The following PAX5 variants were observed in gnomAD, a reference collection of about 807,000 sequenced individuals.
PAX5 encodes paired box protein Pax-5.
PAX5 carries 9 observed loss-of-function variants against 43.7 expected under a neutral mutation model. The observed-to-expected ratio is 0.21, with a 90% CI of 0.12 to 0.36. The LOEUF (loss-of-function observed/expected upper bound fraction) is 0.36, where lower values mean the gene tolerates loss of function less well. PAX5 is among the 10% of genes least tolerant of loss of function. The pLI, the probability that PAX5 is intolerant of heterozygous loss-of-function variation, is 1.00. For synonymous variants in PAX5, 228 were observed against 214.3 expected (o/e 1.06, Z -0.56); for missense variants, 383 against 532.7 (o/e 0.72, Z 2.77).
chr9:37,033,840 G>T, intron 1 of PAX5, 146 bp downstream of exon 1: 1 of 683,556 alleles, frequency 1.5e-6, no homozygotes, highest in Non-Finnish European at 2.6e-6. Flanking sequence ...ACAGATAGGT[G>T]AAAAAACATA....
intron 1 of PAX5, among the ~76,000 whole-genome samples, chr9:37,028,242 C>G (rs145901713): frequency 1.3e-5 from 2 of 152,350 alleles, no homozygotes; most frequent in Non-Finnish European, 2.9e-5. Flanking sequence ...TCTGACCTCA[C>G]TTTCCTCTTC....
intron 3 of PAX5, among the ~76,000 whole-genome samples, chr9:37,011,532 GGA>G: frequency 6.6e-6 from 1 of 152,198 alleles, no homozygotes; most frequent in South Asian, 2.1e-4. Flanking sequence ...GTCAGCTTTG[GGA>G]TGGCCACCTC....
chr9:36,979,565 G>T (rs1357938192), intron 5 of PAX5, among the ~76,000 whole-genome samples: 1 of 152,156 alleles, frequency 6.6e-6, no homozygotes, highest in Non-Finnish European at 1.5e-5. Flanking sequence ...TGATTCTCCT[G>T]ATAATCTCAG....
intron 5 of PAX5, among the ~76,000 whole-genome samples, chr9:36,985,876 C>T (rs112726374): frequency 0.02 from 3,069 of 152,328 alleles, 41 homozygotes; most frequent in Non-Finnish European, 0.033. Flanking sequence ...AGGGCATCAT[C>T]CAGCAAGATC....
intron 8 of PAX5, among the ~76,000 whole-genome samples, chr9:36,877,335 C>A (rs1345204320): frequency 6.6e-6 from 1 of 152,010 alleles, no homozygotes; most frequent in Non-Finnish European, 1.5e-5. Flanking sequence ...TGAGACCATG[C>A]CTTCATTTAA....
chr9:36,846,525 C>T (rs948512349), intron 9 of PAX5, among the ~76,000 whole-genome samples: 3 of 152,218 alleles, frequency 2.0e-5, no homozygotes, highest in African/African-American at 4.8e-5. Flanking sequence ...TTAAGAAATA[C>T]AAGTTACTCA....
At chr9:36,858,664 C>G (rs1823893436) in intron 8 of PAX5, among the ~76,000 whole-genome samples, 1 of 152,176 alleles carries the variant, frequency 6.6e-6, no homozygotes, top group South Asian at 2.1e-4. Flanking sequence ...ATTACTGGCT[C>G]CCAGCCTCCA....
At chr9:36,960,433 G>C (rs910871871) in intron 6 of PAX5, among the ~76,000 whole-genome samples, 1 of 152,126 alleles carries the variant, frequency 6.6e-6, no homozygotes, top group Non-Finnish European at 1.5e-5. Flanking sequence ...GCCACAGCCC[G>C]AGGGTCTTGT....
chr9:36,928,604 A>G (rs186423268), intron 6 of PAX5, among the ~76,000 whole-genome samples: 11 of 152,242 alleles, frequency 7.2e-5, no homozygotes, highest in South Asian at 4.1e-4. Context: ...GAGCTACAAC[A>G]CTCAAAAATT....
intron 5 of PAX5, among the ~76,000 whole-genome samples, chr9:36,992,669 A>G (rs1469558676): frequency 1.3e-5 from 2 of 152,230 alleles, no homozygotes; most frequent in African/African-American, 4.8e-5. Flanking sequence ...CTCCCTCCTC[A>G]GCTCAAAGAC....
intron 6 of PAX5, among the ~76,000 whole-genome samples, chr9:36,940,279 A>T (rs1401656773): frequency 6.6e-6 from 1 of 152,106 alleles, no homozygotes; most frequent in Non-Finnish European, 1.5e-5. Flanking sequence ...CCAACACAAA[A>T]ATTATTTAGG....
chr9:36,970,228 AAT>A (rs1834821794), intron 5 of PAX5, among the ~76,000 whole-genome samples: 1 of 152,136 alleles, frequency 6.6e-6, no homozygotes, highest in Admixed American at 6.5e-5. Flanking sequence ...CTGTGGGAGG[AAT>A]CAGGGAAGTC....
At chr9:36,857,850 G>A (rs1823823427) in intron 8 of PAX5, among the ~76,000 whole-genome samples, 1 of 152,248 alleles carries the variant, frequency 6.6e-6, no homozygotes, top group African/African-American at 2.4e-5. Flanking sequence ...TAGGATACTG[G>A]CCGATAAACC....
At chr9:36,971,765 A>C (rs992711330) in intron 5 of PAX5, among the ~76,000 whole-genome samples, 11 of 152,240 alleles carry the variant, frequency 7.2e-5, no homozygotes, top group Admixed American at 2.0e-4. Context: ...GAGCAAAGAA[A>C]TGCTGGCTTT....
chr9:36,842,851 TC>T (rs1563879687), intron 9 of PAX5, among the ~76,000 whole-genome samples: 1 of 152,116 alleles, frequency 6.6e-6, no homozygotes, highest in East Asian at 1.9e-4. Flanking sequence ...AGGGACATTC[TC>T]CCGAGAAGTC....
At chr9:36,894,127 G>A (rs985859969) in intron 7 of PAX5, among the ~76,000 whole-genome samples, 5 of 152,124 alleles carry the variant, frequency 3.3e-5, no homozygotes, top group African/African-American at 4.8e-5. Flanking sequence ...CAAACTGGCC[G>A]GTGAACATGG....
At chr9:36,960,708 T>C (rs1833897666) in intron 6 of PAX5, among the ~76,000 whole-genome samples, 3 of 152,280 alleles carry the variant, frequency 2.0e-5, no homozygotes, top group South Asian at 4.1e-4. Context: ...ATCTCTGCGT[T>C]CCACCCCTCT....
Position 36,931,532 on chromosome 9 carries a change from T to C in PAX5, c.781-8048A>G, listed in dbSNP as rs1588007934. Among the ~76,000 whole-genome samples, 3 of 152,016 alleles carry C rather than the reference T, an allele frequency of 2.0e-5. No individual in the cohort carries two copies. In the East Asian group the frequency reaches 5.8e-4, roughly 29 times the overall value. ...ACCCTGATTCAAACAAACTGTAAAA[T>C]AAATAATCATTAAATAACAAAAAAC... On this transcript the variant is annotated intron_variant, in intron 6 of 9. Transcript: ENST00000358127.
rs527291742 is a variant in PAX5 at position 36,974,890 on chromosome 9, A to G, written c.605-8166T>C. 2.0e-4 allele frequency among the ~76,000 whole-genome samples: 30 copies of G among 152,106 alleles called. 1 individual carries two copies. The highest frequency in any genetic ancestry group is 6.2e-4 in the South Asian group (3 of 4,806). ...ACCCCCCACTTCACCCCGCAATGCC[A>G]TCCCAGCAGGCCGTTTGTCAGCCCT... On this transcript the variant is annotated intron_variant, in intron 5 of 9. Coordinates refer to ENST00000358127, the MANE Select transcript of PAX5 (RefSeq NM_016734.3).
Sources: allele counts gnomAD v4.1 joint callset (sites outside exome capture counted in the v4.1 genomes callset), GRCh38; gene constraint gnomAD v4.1.1; transcripts MANE v1.5; gene names NCBI Gene and HGNC (gene_info 2026-07-23, HGNC 2026-07-21).